MTMR10: variants seen among roughly 807,000 people sequenced by gnomAD.
MTMR10 encodes myotubularin-related protein 10.
MTMR10 carries 56 observed loss-of-function variants against 88.1 expected under a neutral mutation model. The observed-to-expected ratio is 0.64, with a 90% confidence interval of 0.51 to 0.79. The LOEUF is 0.79. Ranked by LOEUF, MTMR10 falls within the 30% of genes least tolerant of loss-of-function variation. The probability of loss-of-function intolerance (pLI) is 0.00; values close to 1 mark genes in which losing one functional copy is unlikely to be tolerated. For synonymous variants in MTMR10, 380 were observed against 340.9 expected (o/e 1.11, Z -1.26); for missense variants, 883 against 924.7 (o/e 0.95, Z 0.58).
At chr15:30,991,297 A>T in intron 1 of MTMR10, 150 bp downstream of exon 1, 1 of 765,908 alleles carries the variant, frequency 1.3e-6, no homozygotes, top group Non-Finnish European at 1.9e-6. Context: ...GAGAAGGCGC[A>T]TTTCGCGGCG....
intron 12 of MTMR10, among the ~76,000 whole-genome samples, chr15:30,951,585 C>T (rs765294534): frequency 6.6e-6 from 1 of 151,984 alleles, no homozygotes; most frequent in Non-Finnish European, 1.5e-5. Flanking sequence ...CTGCAACCTC[C>T]GCCTCCTAGG....
intron 2 of MTMR10, among the ~76,000 whole-genome samples, chr15:30,986,606 A>G (rs1185775480): frequency 6.6e-6 from 1 of 152,250 alleles, no homozygotes; most frequent in Non-Finnish European, 1.5e-5. Flanking sequence ...TAATCTCAGA[A>G]TAAAAGACAA....
intron 5 of MTMR10, among the ~76,000 whole-genome samples, chr15:30,973,733 T>C (rs2029893815): frequency 1.3e-5 from 2 of 152,124 alleles, no homozygotes; most frequent in Admixed American, 6.6e-5. Flanking sequence ...ATGGAAAACA[T>C]GCCCTTGACT....
Position 30,941,715 on chromosome 15 carries a change from G to C in MTMR10, c.2089C>G (p.Arg697Gly). ...DEVDVLSRML[R>G]QQRSGPLEAC... Reference sequence around the variant, plus strand: ...TCCAGGGGGCCACTGCGCTGTTGCCGCAGCATCCTGCTCAGTACGTCGACT... The same window carrying C: ...TCCAGGGGGCCACTGCGCTGTTGCCCCAGCATCCTGCTCAGTACGTCGACT... Residue 697 changes from arginine to glycine, a missense_variant, in exon 16 of 16, where the codon CGG becomes GGG. By Grantham distance (125) the Arg-to-Gly change is moderately radical. Transcript: ENST00000435680. 6.2e-7 allele frequency: 1 copy of C among 1,613,842 alleles called. No homozygotes were observed. The highest frequency in any genetic ancestry group is 8.5e-7 in the Non-Finnish European group (1 of 1,179,832).
intron 2 of MTMR10, among the ~76,000 whole-genome samples, chr15:30,988,987 C>CAAA (rs71420538): frequency 0.033 from 2,868 of 85,736 alleles, 44 homozygotes; most frequent in Non-Finnish European, 0.054. Flanking sequence ...GACTCTGTCT[C>CAAA]AAAAAAAAAA....
At chr15:30,950,686 ACTT>A (rs1595914711) in intron 12 of MTMR10, among the ~76,000 whole-genome samples, 1 of 149,936 alleles carries the variant, frequency 6.7e-6, no homozygotes, top group African/African-American at 2.4e-5. Flanking sequence ...AAAAAAAAGT[ACTT>A]CTGCAAGCTT....
intron 5 of MTMR10, among the ~76,000 whole-genome samples, chr15:30,970,627 T>C (rs745314718): frequency 6.6e-6 from 1 of 152,138 alleles, no homozygotes; most frequent in Non-Finnish European, 1.5e-5. Flanking sequence ...CCAAAACAAT[T>C]AGAAAGCAGT....
At chr15:30,943,395 T>C (rs1234482586) in intron 14 of MTMR10, 2 of 984,656 alleles carry the variant, frequency 2.0e-6, no homozygotes, top group Non-Finnish European at 2.4e-6. Flanking sequence ...ACATGTTGAA[T>C]TTATTTCTAT....
intron 12 of MTMR10, among the ~76,000 whole-genome samples, chr15:30,950,728 C>T (rs1490647732): frequency 1.4e-4 from 21 of 151,990 alleles, no homozygotes; most frequent in Admixed American, 1.4e-3. Flanking sequence ...ATATACTATG[C>T]AACATGAGTA....
At chr15:30,922,114 C>T in the MTMR10 span, 12 of 1,301,342 alleles carry the variant, frequency 9.2e-6, no homozygotes, top group Non-Finnish European at 1.3e-5. Flanking sequence ...TCCTTGGCCT[C>T]ATTGTAGAAT....
chr15:30,943,947 A>G (rs903354873), intron 14 of MTMR10: 1 of 985,366 alleles, frequency 1.0e-6, no homozygotes, highest in Non-Finnish European at 1.2e-6. Context: ...ATAACTCCAG[A>G]CACAAAGTCG....
intron 9 of MTMR10, among the ~76,000 whole-genome samples, chr15:30,958,371 T>C (rs1181216599): frequency 6.6e-6 from 1 of 152,224 alleles, no homozygotes; most frequent in African/African-American, 2.4e-5. Flanking sequence ...ATCAATAGTA[T>C]TGCTCACTGC....
chr15:30,972,030 C>G (rs539330057), intron 5 of MTMR10, among the ~76,000 whole-genome samples: 4 of 152,062 alleles, frequency 2.6e-5, no homozygotes, highest in Non-Finnish European at 5.9e-5. Flanking sequence ...TTTTTCAAAA[C>G]AAAAACATAA....
chr15:30,925,070 A>C, the MTMR10 span: 4 of 1,541,212 alleles, frequency 2.6e-6, no homozygotes, highest in Non-Finnish European at 2.6e-6. Flanking sequence ...AACTAAATGC[A>C]TGGAAGCCGC....
chr15:30,963,456 C>G (rs2063430623), intron 6 of MTMR10, among the ~76,000 whole-genome samples: 1 of 151,866 alleles, frequency 6.6e-6, no homozygotes, highest in African/African-American at 2.4e-5. Flanking sequence ...CGGTGAAACC[C>G]TGTCTCTATT....
chr15:30,943,112 T>A (rs1306260954), intron 14 of MTMR10, 40 bp from the exon 15 acceptor site: 2 of 1,518,172 alleles, frequency 1.3e-6, no homozygotes, highest in African/African-American at 2.8e-5. Context: ...AACTAAAGAT[T>A]CTCTCATGAA....
chr15:30,929,421 G>C, the MTMR10 span: 1 of 1,569,916 alleles, frequency 6.4e-7, no homozygotes, highest in Non-Finnish European at 8.7e-7. Context: ...TGCATGGCAG[G>C]ATTTGCTCAG....
At chr15:30,927,353 G>A in the MTMR10 span, 1 of 985,408 alleles carries the variant, frequency 1.0e-6, no homozygotes, top group Non-Finnish European at 1.2e-6. Context: ...AGTGTTCTAG[G>A]AAGAAAAGTC....
At chr15:30,983,374 C>G (rs896945517) in intron 2 of MTMR10, among the ~76,000 whole-genome samples, 1 of 152,156 alleles carries the variant, frequency 6.6e-6, no homozygotes, top group African/African-American at 2.4e-5. Flanking sequence ...TTCTCAAGAC[C>G]CTTTCATCTG....
Sources: allele counts gnomAD v4.1 joint callset (sites outside exome capture counted in the v4.1 genomes callset), GRCh38; gene constraint gnomAD v4.1.1; transcripts MANE v1.5; gene names NCBI Gene and HGNC (gene_info 2026-07-23, HGNC 2026-07-21).